ZNF875: variants seen among roughly 807,000 people sequenced by gnomAD.
ZNF875 encodes the protein zinc finger protein 875, also known as HKR1, GLI-Kruppel zinc finger family member.
Under a neutral mutation model 11.2 loss-of-function variants are expected in ZNF875, and 14 were observed. The ratio of observed to expected loss-of-function variants is 1.26; its 90% CI spans 0.83 to 1.96. The LOEUF (loss-of-function observed/expected upper bound fraction) is 1.96. Among genes scored for constraint, ZNF875 ranks in the 30% most tolerant of loss-of-function variants. ZNF875 has a pLI of 0.00. For missense variants in ZNF875, 752 were observed against 760.4 expected (o/e 0.99, Z 0.13); for synonymous variants, 301 against 281.1 (o/e 1.07, Z -0.71).
chr19:37,338,385 A>G (rs2034967135), intron 2 of ZNF875, among the ~76,000 whole-genome samples: 1 of 152,144 alleles, frequency 6.6e-6, no homozygotes, highest in Non-Finnish European at 1.5e-5. Flanking sequence ...TGCCTCCCAA[A>G]GTGCTGGGAT....
At chr19:37,357,225 C>T (rs774565508) in intron 4 of ZNF875, among the ~76,000 whole-genome samples, 4 of 152,108 alleles carry the variant, frequency 2.6e-5, no homozygotes, top group Non-Finnish European at 5.9e-5. Context: ...GTTAATATAG[C>T]CTTGTAGTAT....
chr19:37,361,927 AAAAAAC>A lies in ZNF875; in HGVS notation c.257-177_257-172del, dbSNP rs1009887090. ...AAGACTCCGTTTAAAAAAAAAAACA[AAAAAAC>A]AAAAGAAAGTGTAATGCATGAAGTG... On this transcript the variant is annotated intron_variant, in intron 4 of 4. Transcript: ENST00000392153. 27 of 478,112 alleles carry A rather than the reference AAAAAAC, an allele frequency of 5.6e-5. 1 individual carries two copies. The highest frequency in any genetic ancestry group is 5.0e-4 in the Middle Eastern group (1 of 2,004). 29.6% of individuals were successfully genotyped at this position (478,112 alleles called of 1,614,324 possible). A position where few individuals can be genotyped will look rare whatever the true frequency, so the allele number is the denominator to read the frequency against.
chr19:37,339,300 CACTT>C (rs2035170203), intron 2 of ZNF875, among the ~76,000 whole-genome samples: 1 of 152,014 alleles, frequency 6.6e-6, no homozygotes, highest in African/African-American at 2.4e-5. Context: ...AAACAGCCAA[CACTT>C]ATCCCACTGA....
rs2034105480 is a variant in ZNF875 at position 37,335,246 on chromosome 19, G to C, written c.22G>C (p.Ala8Pro). 2.9e-6 allele frequency: 2 copies of C among 700,366 alleles called. No individual in the cohort carries two copies. Among genetic ancestry groups the C allele is most frequent in the Admixed American group, 4.0e-5 (2 of 49,506 alleles). The allele number at this position is 700,366 out of a possible 1,614,324, so 43.4% of individuals were successfully genotyped here. A position where few individuals can be genotyped will look rare whatever the true frequency, so the allele number is the denominator to read the frequency against. ...GAAAATGGCCACAGGGCTCCTGAGA[G>C]CCAAAAAAGAGGTGAGAATTAACTG... MATGLLR[A>P]KKEAFVAFRD... Residue 8 changes from alanine (A) to proline (P), a missense_variant, in exon 2 of 5, where the codon GCC (alanine) becomes CCC (proline). By Grantham distance (27) the Ala-to-Pro change is conservative (BLOSUM62 -1). Coordinates refer to ENST00000392153, the MANE Select transcript of ZNF875 (RefSeq NM_001353803.2).
chr19:37,353,961 C>A (rs185463828), intron 4 of ZNF875, among the ~76,000 whole-genome samples: 1 of 152,024 alleles, frequency 6.6e-6, no homozygotes, highest in East Asian at 1.9e-4. Context: ...CAATATTTTT[C>A]CTGTCCCTTT....
At chr19:37,358,614 G>A (rs181596258) in intron 4 of ZNF875, 1 of 151,514 alleles carries the variant, frequency 6.6e-6, no homozygotes, top group Non-Finnish European at 1.5e-5. Context: ...CCACCTCCTG[G>A]TTTCAAGCAG....
chr19:37,345,232 A>G (rs1345609580), intron 2 of ZNF875, among the ~76,000 whole-genome samples: 1 of 152,330 alleles, frequency 6.6e-6, no homozygotes, highest in Non-Finnish European at 1.5e-5. Context: ...TCTAAAATAT[A>G]GCCAGAGAGA....
chr19:37,352,620 G>A (rs996084285), intron 4 of ZNF875, among the ~76,000 whole-genome samples: 3 of 151,766 alleles, frequency 2.0e-5, no homozygotes, highest in Non-Finnish European at 2.9e-5. Context: ...TTTTATTTGC[G>A]TCTTTGTATT....
chr19:37,323,234 A>G (rs1180032468), intron 2 of ZNF875, among the ~76,000 whole-genome samples: 1 of 150,632 alleles, frequency 6.6e-6, no homozygotes, highest in Non-Finnish European at 1.5e-5. Context: ...GCTCACTGCA[A>G]CCTCCGTCTC....
intron 4 of ZNF875, chr19:37,328,676 C>G (rs1234565179): frequency 6.6e-6 from 1 of 152,216 alleles, no homozygotes; most frequent in African/African-American, 2.4e-5. Context: ...ATCACCCAGT[C>G]TGTGGTATTC....
rs2040415922 is a variant in ZNF875, at chr19:37,363,975, A to G, written c.*200A>G. 7.1e-6 allele frequency: 4 copies of G among 566,446 alleles called. No individual in the cohort carries two copies. The highest frequency in any genetic ancestry group is 4.7e-5 in the South Asian group (2 of 42,386). The allele number at this position is 566,446 out of a possible 1,614,324, so 35.1% of individuals were successfully genotyped here. The stretch of plus-strand genomic sequence containing the variant: ...CCACCTGAAGGAGAATTGCTGGCTC[A>G]TTTTCAGGAGCCCTGCCCTTCCTCA... On this transcript the variant is annotated 3_prime_UTR_variant, in exon 5 of 5. Transcript: ENST00000392153.
chr19:37,330,838 G>C (rs1003985616), upstream of ZNF875, among the ~76,000 whole-genome samples: 9 of 152,016 alleles, frequency 5.9e-5, no homozygotes, highest in African/African-American at 2.2e-4. Flanking sequence ...CCCCTTTTGT[G>C]ATCATTGTTA....
intron 4 of ZNF875, among the ~76,000 whole-genome samples, chr19:37,353,367 A>G (rs1025058041): frequency 6.6e-6 from 1 of 152,188 alleles, no homozygotes; most frequent in African/African-American, 2.4e-5. Context: ...CTGTTGTCAT[A>G]TACATTATTT....
chr19:37,355,495 G>GT (rs1278742855), intron 4 of ZNF875, among the ~76,000 whole-genome samples: 4 of 152,124 alleles, frequency 2.6e-5, no homozygotes, highest in Admixed American at 2.6e-4. Flanking sequence ...GCCTGTAAGT[G>GT]TTTGTTTCTG....
chr19:37,352,425 G>A (rs1037854900), intron 4 of ZNF875, among the ~76,000 whole-genome samples: 2 of 151,924 alleles, frequency 1.3e-5, no homozygotes, highest in African/African-American at 4.8e-5. Flanking sequence ...CCTATTTTTA[G>A]TAGAGACAGG....
chr19:37,363,691 G>C lies in ZNF875; in HGVS notation c.1839G>C (p.Glu613Asp). 3.1e-6 allele frequency: 5 copies of C among 1,613,476 alleles called. No homozygotes were observed. Among genetic ancestry groups the C allele is most frequent in the Non-Finnish European group, 4.2e-6 (5 of 1,179,580 alleles). The change falls in exon 5 of 5, where the codon GAG (glutamate) becomes GAC (aspartate). Residue 613 changes from glutamate to aspartate, a missense_variant. Glu to Asp is a conservative substitution (Grantham distance 45). Transcript: ENST00000392153. ...LIRHQRTHSG[E>D]KPYICRKCGR... The stretch of plus-strand genomic sequence containing the variant: ...GACACCAGAGGACACATTCAGGAGA[G>C]AAGCCTTATATTTGCAGAAAGTGTG...
intron 2 of ZNF875, among the ~76,000 whole-genome samples, chr19:37,342,354 C>G (rs1456079326): frequency 6.6e-6 from 1 of 151,662 alleles, no homozygotes; most frequent in African/African-American, 2.4e-5. Flanking sequence ...ATAATTGCTT[C>G]TTCAGCTCTT....
At chr19:37,316,628 C>T (rs2030210623), upstream of ZNF875, among the ~76,000 whole-genome samples, 1 of 151,898 alleles carries the variant, frequency 6.6e-6, no homozygotes, top group Admixed American at 6.6e-5. Context: ...CCTCGGCCTC[C>T]CAAAGTGCTG....
chr19:37,354,733 G>A (rs1370029511), intron 4 of ZNF875, among the ~76,000 whole-genome samples: 2 of 152,124 alleles, frequency 1.3e-5, no homozygotes, highest in African/African-American at 2.4e-5. Context: ...CTGCCCTCTC[G>A]AATGGCTTAT....
Sources: gnomAD v4.1 joint callset for allele counts (sites outside exome capture counted in the v4.1 genomes callset) on GRCh38, gnomAD v4.1.1 for gene constraint, MANE v1.5 for transcripts, NCBI Gene and HGNC (gene_info 2026-07-23, HGNC 2026-07-21) for gene names.